RASGRF1: variants seen among roughly 807,000 people sequenced by gnomAD.
RASGRF1 encodes ras-specific guanine nucleotide-releasing factor 1.
Under a neutral mutation model 138.7 loss-of-function variants are expected in RASGRF1, and 40 were observed. The observed-to-expected ratio is 0.29, with a 90% CI of 0.22 to 0.38. RASGRF1 has a LOEUF of 0.38. RASGRF1 is among the 10% of genes least tolerant of loss of function. The pLI, the probability that RASGRF1 is intolerant of heterozygous loss-of-function variation, is 1.00. For missense variants in RASGRF1, 1,108 were observed against 1,650.4 expected (o/e 0.67, Z 5.69); for synonymous variants, 614 against 663.2 (o/e 0.93, Z 1.14).
At chr15:78,982,389 C>T (rs7168809) in intron 23 of RASGRF1, among the ~76,000 whole-genome samples, 6,742 of 152,220 alleles carry the variant, frequency 0.044, 474 homozygotes, top group African/African-American at 0.15. Context: ...GGTTGTCATG[C>T]TGTCTCCAGG....
intron 26 of RASGRF1, among the ~76,000 whole-genome samples, chr15:78,963,807 T>C (rs114552877): frequency 0.013 from 2,045 of 152,300 alleles, 39 homozygotes; most frequent in African/African-American, 0.044. Flanking sequence ...ACTTTAGATA[T>C]CACAGTCTGG....
rs746752222 is a variant in RASGRF1 at position 78,998,745 on chromosome 15, G to A, written c.2827C>T (p.Arg943Cys). Residue 943 changes from arginine to cysteine, a missense_variant, in exon 18 of 27, where the codon CGC becomes TGC. Around this residue, in one of 3 missense-constraint regions of RASGRF1, gnomAD observed 686 missense variants for 976.7 expected, o/e 0.70. Transcript: ENST00000558480. ...AATNRVLNVL[R>C]HWVSKHSQDF... The stretch of plus-strand genomic sequence containing the variant: ...TGAGAGTGCTTGGACACCCAGTGGC[G>A]GAGCACGTTCAAGACACGATTGGTG... 5 of 1,614,092 alleles carry A rather than the reference G, an allele frequency of 3.1e-6. No homozygotes were observed. Among genetic ancestry groups the A allele is most frequent in the South Asian group, 1.1e-5 (1 of 91,074 alleles).
chr15:79,067,875 A>C (rs1037949628), intron 1 of RASGRF1, among the ~76,000 whole-genome samples: 4 of 152,146 alleles, frequency 2.6e-5, no homozygotes, highest in South Asian at 2.1e-4. Flanking sequence ...ACTGGGAAAG[A>C]CCAAAGCCCA....
At chr15:79,044,035 T>A (rs992674450) in intron 5 of RASGRF1, among the ~76,000 whole-genome samples, 4 of 152,224 alleles carry the variant, frequency 2.6e-5, no homozygotes, top group African/African-American at 9.6e-5. Flanking sequence ...GCTGGCAGGA[T>A]GCAAACATGT....
Position 79,066,469 on chromosome 15 carries a change from G to A in RASGRF1, c.277-1943C>T, listed in dbSNP as rs760884623. Among the ~76,000 whole-genome samples, 23 of 152,252 alleles carry A rather than the reference G, an allele frequency of 1.5e-4. 1 individual carries two copies. Among genetic ancestry groups the A allele is most frequent in the Admixed American group, 1.4e-3 (21 of 15,292 alleles). ...GAAACAAGGCACTCAGCTACATACA[G>A]GCACAGTGGAGTTGCTGGGTCTCCT... is the stretch of plus-strand genomic sequence containing the variant. On this transcript the variant is annotated intron_variant, in intron 1 of 26. Coordinates refer to ENST00000558480, the MANE Select transcript of RASGRF1 (RefSeq NM_001145648.3).
At chr15:78,996,494 G>A (rs1020094297) in intron 19 of RASGRF1, among the ~76,000 whole-genome samples, 6 of 152,126 alleles carry the variant, frequency 3.9e-5, no homozygotes, top group South Asian at 2.1e-4. Context: ...AGGCATTGTC[G>A]TGTATATCTT....
intron 4 of RASGRF1, among the ~76,000 whole-genome samples, chr15:79,048,760 G>A (rs1476987984): frequency 3.3e-5 from 5 of 152,228 alleles, no homozygotes; most frequent in Non-Finnish European, 5.9e-5. Flanking sequence ...CTTGGCCCAT[G>A]GGATGCCAGT....
intron 19 of RASGRF1, among the ~76,000 whole-genome samples, chr15:78,996,989 G>T (rs2056408193): frequency 1.3e-5 from 2 of 152,214 alleles, no homozygotes; most frequent in African/African-American, 4.8e-5. Context: ...CCTGGGCTGG[G>T]CTGGGAGCAG....
At chr15:78,985,270 C>G in intron 22 of RASGRF1, 66 bp from the exon 23 acceptor site, 1 of 1,402,842 alleles carries the variant, frequency 7.1e-7, no homozygotes, top group Non-Finnish European at 9.8e-7. Context: ...TAAATGGTCA[C>G]TATTTGCAGA....
chr15:79,040,243 T>A (rs1275446803), intron 5 of RASGRF1, among the ~76,000 whole-genome samples: 1 of 151,974 alleles, frequency 6.6e-6, no homozygotes, highest in African/African-American at 2.4e-5. Context: ...CCCTCCCCCC[T>A]TCATCCCTAT....
chr15:78,968,990 C>A (rs2055698545), intron 26 of RASGRF1, among the ~76,000 whole-genome samples: 1 of 152,180 alleles, frequency 6.6e-6, no homozygotes, highest in Admixed American at 6.5e-5. Context: ...CATCCACTGA[C>A]CCCCTTTCTT....
intron 26 of RASGRF1, among the ~76,000 whole-genome samples, 177 bp from the exon 27 acceptor site, chr15:78,962,413 G>C (rs141445837): frequency 1.3e-5 from 2 of 152,144 alleles, no homozygotes; most frequent in African/African-American, 2.4e-5. Context: ...AGCAGTCGAC[G>C]TAAGTATTGT....
At chr15:79,057,691 G>T (rs1313064239) in intron 3 of RASGRF1, among the ~76,000 whole-genome samples, 5 of 152,206 alleles carry the variant, frequency 3.3e-5, no homozygotes, top group Non-Finnish European at 7.3e-5. Flanking sequence ...TTAAACTGTA[G>T]ATTCCAATTC....
At chr15:79,074,792 G>C (rs2057810812) in intron 1 of RASGRF1, among the ~76,000 whole-genome samples, 1 of 152,188 alleles carries the variant, frequency 6.6e-6, no homozygotes, top group Non-Finnish European at 1.5e-5. Context: ...GGCAAGACTT[G>C]GTGAACCACT....
intron 13 of RASGRF1, among the ~76,000 whole-genome samples, chr15:79,010,247 AG>A (rs1373056448): frequency 6.6e-6 from 1 of 152,122 alleles, no homozygotes; most frequent in African/African-American, 2.4e-5. Context: ...TGTGTTGGCC[AG>A]GCTGGCCTCG....
intron 21 of RASGRF1, among the ~76,000 whole-genome samples, chr15:78,990,621 G>C (rs2056249570): frequency 6.6e-6 from 1 of 152,214 alleles, no homozygotes; most frequent in Non-Finnish European, 1.5e-5. Flanking sequence ...TTTTCTGACA[G>C]GGAGAATTCA....
chr15:79,054,258 T>C (rs1414551684), intron 3 of RASGRF1, among the ~76,000 whole-genome samples: 2 of 152,026 alleles, frequency 1.3e-5, no homozygotes, highest in Non-Finnish European at 2.9e-5. Flanking sequence ...GAAGTCAGTG[T>C]TTAAAGGGGA....
At chr15:78,974,858 T>C (rs1273047905) in intron 24 of RASGRF1, among the ~76,000 whole-genome samples, 1 of 152,248 alleles carries the variant, frequency 6.6e-6, no homozygotes, top group African/African-American at 2.4e-5. Flanking sequence ...AGTAAGCTGG[T>C]TTTCCATTTG....
chr15:79,006,543 G>T lies in RASGRF1; in HGVS notation c.1827-109C>A. 3 of 1,330,006 alleles carry T rather than the reference G, an allele frequency of 2.3e-6. No homozygotes were observed. The highest frequency in any genetic ancestry group is 3.1e-6 in the Non-Finnish European group (3 of 981,214). 82.4% of individuals were successfully genotyped at this position (1,330,006 alleles called of 1,614,324 possible). A position where few individuals can be genotyped will look rare whatever the true frequency, so the allele number is the denominator to read the frequency against. The stretch of plus-strand genomic sequence containing the variant: ...CCCCACACACTGACAACACAGGATG[G>T]TCTTATTAAGAGAACAAGCTTGGGA... On this transcript the variant is annotated intron_variant, in intron 13 of 26. Transcript: ENST00000558480. The surrounding 1 kb of genome is among the most constrained non-coding windows in gnomAD (Gnocchi z 4.0).
Sources: gnomAD v4.1 joint callset for allele counts (sites outside exome capture counted in the v4.1 genomes callset) on GRCh38, gnomAD v4.1.1 for gene constraint, gnomAD v4.1.1 regional missense constraint, Gnocchi (gnomAD v3.1) non-coding constraint, MANE v1.5 for transcripts, NCBI Gene and HGNC (gene_info 2026-07-23, HGNC 2026-07-21) for gene names.